Variants in OXCT1 observed in about 807,000 individuals in gnomAD.
OXCT1 encodes 3-oxoacid CoA-transferase 1.
A neutral mutation model predicts 69.6 loss-of-function variants in OXCT1; 27 were observed. That is an observed-to-expected ratio of 0.39 (90% CI 0.29 to 0.54). OXCT1 has a LOEUF of 0.54. OXCT1 is among the 20% of genes least tolerant of loss of function. OXCT1 has a pLI of 0.72. For synonymous variants in OXCT1, 202 were observed against 217.8 expected (o/e 0.93, Z 0.64); for missense variants, 437 against 650.2 (o/e 0.67, Z 3.57).
chr5:41,850,220 C>A, intron 4 of OXCT1, 41 bp from the exon 5 acceptor site: 1 of 1,610,230 alleles, frequency 6.2e-7, no homozygotes, highest in Non-Finnish European at 8.5e-7. Flanking sequence ...TCACTAAGCA[C>A]ACTTCTCTAT....
At chr5:41,791,152 T>C (rs1008708845) in intron 13 of OXCT1, among the ~76,000 whole-genome samples, 1 of 152,144 alleles carries the variant, frequency 6.6e-6, no homozygotes, top group Non-Finnish European at 1.5e-5. Context: ...GAAGCTGCCC[T>C]GAGTCTCAAA....
At chr5:41,863,661 G>A (rs1260163429) in intron 1 of OXCT1, among the ~76,000 whole-genome samples, 1 of 152,130 alleles carries the variant, frequency 6.6e-6, no homozygotes, top group Non-Finnish European at 1.5e-5. Context: ...CCACCCAAAA[G>A]AATGAAAGTA....
Position 41,790,327 on chromosome 5 carries a change from G to T in OXCT1, c.1248+3676C>A, listed in dbSNP as rs192942598. On this transcript the variant is annotated intron_variant, in intron 13 of 16. Transcript: ENST00000196371. ...GAGCAGCTCTGAATATAGATTCAGC[G>T]GACTGCACATCTTTCCATCATTTAT... Among the ~76,000 whole-genome samples, 19 of 152,300 alleles carry T rather than the reference G, an allele frequency of 1.2e-4. No individual in the cohort carries two copies. The South Asian group carries it at 3.9e-3, about 32-fold the overall frequency.
chr5:41,809,820 T>C (rs1746874095), intron 7 of OXCT1, among the ~76,000 whole-genome samples: 1 of 152,080 alleles, frequency 6.6e-6, no homozygotes, highest in South Asian at 2.1e-4. Flanking sequence ...GAATATGTCC[T>C]GGTAAAACAA....
At chr5:41,839,022 T>C (rs764884770) in intron 7 of OXCT1, among the ~76,000 whole-genome samples, 17 of 152,216 alleles carry the variant, frequency 1.1e-4, no homozygotes, top group South Asian at 2.1e-4. Context: ...TGTCTCGGCC[T>C]ACCAGGAAAG....
At chr5:41,750,198 T>C (rs1743713174) in intron 14 of OXCT1, among the ~76,000 whole-genome samples, 1 of 150,252 alleles carries the variant, frequency 6.7e-6, no homozygotes. Flanking sequence ...TTTCTTCTTA[T>C]ATCCACTTTT....
intron 16 of OXCT1, among the ~76,000 whole-genome samples, chr5:41,735,041 A>G (rs968720204): frequency 1.3e-5 from 2 of 152,214 alleles, no homozygotes; most frequent in African/African-American, 4.8e-5. Flanking sequence ...TGGCAGTTCC[A>G]CAAAAAATTA....
At chr5:41,784,377 A>C (rs1745550776) in intron 13 of OXCT1, among the ~76,000 whole-genome samples, 2 of 152,194 alleles carry the variant, frequency 1.3e-5, no homozygotes. Flanking sequence ...CAAACATGCA[A>C]ATGGTCCACC....
At chr5:41,748,352 G>A (rs1325339401) in intron 15 of OXCT1, among the ~76,000 whole-genome samples, 1 of 151,788 alleles carries the variant, frequency 6.6e-6, no homozygotes, top group East Asian at 1.9e-4. Context: ...AAGGAGGAGA[G>A]GACCCACAGG....
chr5:41,770,743 C>T (rs776258721), intron 13 of OXCT1, among the ~76,000 whole-genome samples: 1 of 152,104 alleles, frequency 6.6e-6, no homozygotes, highest in Non-Finnish European at 1.5e-5. Context: ...GGGTAAAATC[C>T]ATTTTTATAA....
At chr5:41,866,330 G>A (rs1749974728) in intron 1 of OXCT1, among the ~76,000 whole-genome samples, 1 of 152,164 alleles carries the variant, frequency 6.6e-6, no homozygotes, top group Non-Finnish European at 1.5e-5. Context: ...GATCTTTGTT[G>A]AAGGTTTTCA....
chr5:41,812,457 T>C (rs1406033335), intron 7 of OXCT1, among the ~76,000 whole-genome samples: 1 of 152,024 alleles, frequency 6.6e-6, no homozygotes, highest in Non-Finnish European at 1.5e-5. Flanking sequence ...GATAGCTTTG[T>C]GTTTCTTCGT....
At chr5:41,753,072 C>G (rs1743872993) in intron 14 of OXCT1, among the ~76,000 whole-genome samples, 1 of 152,016 alleles carries the variant, frequency 6.6e-6, no homozygotes, top group Non-Finnish European at 1.5e-5. Context: ...GTAATAAATC[C>G]CTTTGCTATC....
chr5:41,842,789 A>T lies in OXCT1; in HGVS notation c.565-8T>A. The T allele has an allele frequency of 1.3e-6, 2 of 1,539,694 alleles. No individual in the cohort carries two copies. Among genetic ancestry groups the T allele is most frequent in the Non-Finnish European group, 1.8e-6 (2 of 1,112,340 alleles). On this transcript the variant is annotated splice_polypyrimidine_tract_variant and splice_region_variant and intron_variant, in intron 5 of 16. Transcript: ENST00000196371. ...ACCATTGAACTCCCTCACCTGCAGA[A>T]GAGGGAGAAGGCATCATCAGGTATT...
At chr5:41,832,189 T>C (rs1748129333) in intron 7 of OXCT1, among the ~76,000 whole-genome samples, 1 of 152,040 alleles carries the variant, frequency 6.6e-6, no homozygotes, top group Admixed American at 6.6e-5. Flanking sequence ...TTAAAATAGG[T>C]GGTAGTCAGG....
intron 13 of OXCT1, among the ~76,000 whole-genome samples, chr5:41,782,254 G>A (rs1745444424): frequency 6.7e-6 from 1 of 149,724 alleles, no homozygotes; most frequent in Admixed American, 6.7e-5. Context: ...TTGCTCTGCT[G>A]CCCAGGCTGG....
At chr5:41,794,611 A>T in intron 12 of OXCT1, 66 bp downstream of exon 12, 1 of 1,422,136 alleles carries the variant, frequency 7.0e-7, no homozygotes, top group South Asian at 1.2e-5. Context: ...CCTTGCTAAC[A>T]CACTCAGACG....
At chr5:41,811,928 GA>G in intron 7 of OXCT1, among the ~76,000 whole-genome samples, 1 of 151,994 alleles carries the variant, frequency 6.6e-6, no homozygotes, top group Non-Finnish European at 1.5e-5. Flanking sequence ...AAAGGAGAAA[GA>G]ATATCACACT....
intron 15 of OXCT1, among the ~76,000 whole-genome samples, chr5:41,742,768 G>A (rs1045424323): frequency 1.3e-5 from 2 of 151,982 alleles, no homozygotes; most frequent in Admixed American, 1.3e-4. Flanking sequence ...TCAGAATGAT[G>A]GTGTCCAGCT....
Sources: allele counts gnomAD v4.1 joint callset (sites outside exome capture counted in the v4.1 genomes callset), GRCh38; gene constraint gnomAD v4.1.1; transcripts MANE v1.5; gene names NCBI Gene and HGNC (gene_info 2026-07-23, HGNC 2026-07-21).